The following PLXNA4 variants were observed in gnomAD, a reference collection of about 807,000 sequenced individuals.
The protein encoded by PLXNA4 is plexin-A4.
Under a neutral mutation model 191.8 loss-of-function variants are expected in PLXNA4, and 44 were observed. That is an observed-to-expected ratio of 0.23 (90% CI 0.18 to 0.29). The LOEUF (loss-of-function observed/expected upper bound fraction) is 0.29. Among genes scored for constraint, PLXNA4 ranks in the 10% least tolerant of loss-of-function variants. The pLI, the probability that PLXNA4 is intolerant of heterozygous loss-of-function variation, is 1.00. For synonymous variants in PLXNA4, 1,082 were observed against 1,009.5 expected (o/e 1.07, Z -1.36); for missense variants, 1,800 against 2,488.8 (o/e 0.72, Z 5.89).
At chr7:132,375,984 G>A (rs1585052334) in intron 3 of PLXNA4, among the ~76,000 whole-genome samples, 4 of 152,188 alleles carry the variant, frequency 2.6e-5, no homozygotes, top group Admixed American at 2.6e-4. Flanking sequence ...AGACAGTAGA[G>A]TTTGAGTCCC....
chr7:132,270,505 T>C (rs944812656), intron 4 of PLXNA4, among the ~76,000 whole-genome samples: 1 of 152,250 alleles, frequency 6.6e-6, no homozygotes, highest in Non-Finnish European at 1.5e-5. Flanking sequence ...AAAATTTAGA[T>C]AGACTTGACA....
At chr7:132,374,310 G>A (rs1294044857) in intron 3 of PLXNA4, among the ~76,000 whole-genome samples, 1 of 152,170 alleles carries the variant, frequency 6.6e-6, no homozygotes, top group Non-Finnish European at 1.5e-5. Context: ...AGCCGCTGAT[G>A]TTGATAAATT....
At chr7:132,355,988 C>T (rs1198642992) in intron 3 of PLXNA4, among the ~76,000 whole-genome samples, 1 of 151,902 alleles carries the variant, frequency 6.6e-6, no homozygotes, top group African/African-American at 2.4e-5. Flanking sequence ...AGGGGAAGAG[C>T]GAGGAGGGGG....
chr7:132,449,411 C>G (rs1585151052), intron 3 of PLXNA4, among the ~76,000 whole-genome samples: 1 of 152,208 alleles, frequency 6.6e-6, no homozygotes, highest in Non-Finnish European at 1.5e-5. Flanking sequence ...TGTCCACATT[C>G]AGAAGTGGAC....
chr7:132,311,274 A>G (rs1218030218), intron 3 of PLXNA4, among the ~76,000 whole-genome samples: 1 of 151,756 alleles, frequency 6.6e-6, no homozygotes, highest in Non-Finnish European at 1.5e-5. Context: ...TGGAAAACTG[A>G]GAATCTCAGA....
intron 3 of PLXNA4, among the ~76,000 whole-genome samples, chr7:132,405,947 A>AG (rs1296215896): frequency 6.6e-6 from 1 of 152,236 alleles, no homozygotes. Context: ...GGTTGGCCAC[A>AG]GCCCACTACA....
intron 24 of PLXNA4, among the ~76,000 whole-genome samples, chr7:132,163,424 C>T (rs754192134): frequency 2.0e-5 from 3 of 152,214 alleles, no homozygotes; most frequent in Non-Finnish European, 2.9e-5. Context: ...TTGGTGTTCT[C>T]ATTTTTTCAG....
chr7:132,589,243 T>C (rs1184412785), intron 2 of PLXNA4, among the ~76,000 whole-genome samples: 1 of 152,160 alleles, frequency 6.6e-6, no homozygotes, highest in African/African-American at 2.4e-5. Flanking sequence ...TGCCAAGATA[T>C]AAGTATTCTC....
intron 3 of PLXNA4, among the ~76,000 whole-genome samples, chr7:132,426,763 GA>G (rs920116806): frequency 6.6e-6 from 1 of 150,692 alleles, no homozygotes; most frequent in African/African-American, 2.4e-5. Flanking sequence ...GAGGGCAAAA[GA>G]AAAAAAAATC....
intron 21 of PLXNA4, among the ~76,000 whole-genome samples, chr7:132,174,224 A>G (rs1796383598): frequency 6.6e-6 from 1 of 152,214 alleles, no homozygotes; most frequent in African/African-American, 2.4e-5. Context: ...ATAGACACCT[A>G]AGCCAGATAC....
intron 1 of PLXNA4, among the ~76,000 whole-genome samples, chr7:132,556,413 G>C (rs1800804765): frequency 1.3e-5 from 2 of 152,226 alleles, no homozygotes; most frequent in African/African-American, 4.8e-5. Flanking sequence ...TATGTGCCTG[G>C]TTACTAACAA....
At position 132,508,247 on chromosome 7, in the gene PLXNA4, C is replaced by A. The variant is rs747588669; in HGVS notation, c.447G>T (p.Leu149=). Reference sequence around the variant, plus strand: ...GCTCCTTCTTATGATAAGGCTCCCCCAGCTTGAAGAGGTCCTCCAGCCTCA... The same window carrying A: ...GCTCCTTCTTATGATAAGGCTCCCCAAGCTTGAAGAGGTCCTCCAGCCTCA... The part of the protein sequence containing the change: ...KLLRLEDLFK[L]GEPYHKKEHY... The change falls in exon 2 of 32, where the codon CTG becomes CTT. Residue 149 remains leucine (L), a synonymous_variant. Transcript: ENST00000321063. This position sits in a 1 kb window ranked among gnomAD's most constrained non-coding sequence, Gnocchi z 4.4. The A allele has an allele frequency of 4.3e-6, 7 of 1,614,250 alleles. No individual in the cohort carries two copies. Among genetic ancestry groups the A allele is most frequent in the Non-Finnish European group, 5.9e-6 (7 of 1,180,052 alleles).
At chr7:132,467,030 C>T (rs571398513) in intron 3 of PLXNA4, among the ~76,000 whole-genome samples, 8 of 152,242 alleles carry the variant, frequency 5.3e-5, no homozygotes, top group Non-Finnish European at 1.0e-4. Context: ...CTAAGCAGCC[C>T]GGTCAGGTAA....
intron 3 of PLXNA4, among the ~76,000 whole-genome samples, chr7:132,345,846 C>T (rs1370369951): frequency 6.6e-6 from 1 of 152,168 alleles, no homozygotes; most frequent in Non-Finnish European, 1.5e-5. Flanking sequence ...CAGCATGGCA[C>T]ATTACCCACC....
chr7:132,182,075 A>T, intron 17 of PLXNA4, 22 bp downstream of exon 17: 1 of 1,613,846 alleles, frequency 6.2e-7, no homozygotes, highest in South Asian at 1.1e-5. Flanking sequence ...GCCTCCATGA[A>T]CCCCATCAGC....
intron 2 of PLXNA4, among the ~76,000 whole-genome samples, chr7:132,639,882 C>G (rs1803680401): frequency 1.3e-5 from 2 of 152,188 alleles, no homozygotes; most frequent in Non-Finnish European, 2.9e-5. Flanking sequence ...AAGGGCACCA[C>G]AGAGGAGACT....
At chr7:132,158,490 G>T (rs1034813233) in intron 25 of PLXNA4, among the ~76,000 whole-genome samples, 1 of 152,206 alleles carries the variant, frequency 6.6e-6, no homozygotes, top group East Asian at 1.9e-4. Context: ...GGCACAGACA[G>T]TATCCTTGTA....
Position 132,503,409 on chromosome 7 carries a change from T to C in PLXNA4, c.1188+4097A>G, listed in dbSNP as rs79022278. Among the ~76,000 whole-genome samples the C allele has an allele frequency of 2.8e-3, 434 of 152,314 alleles. 3 individuals carry two copies. The highest frequency in any genetic ancestry group is 0.01 in the African/African-American group (417 of 41,572). ...GTGAAGAAAGGAGAGAAGGTATAGA[T>C]AACCCTATGCCTGGGGAATTCTGGG... is the stretch of plus-strand genomic sequence containing the variant. On this transcript the variant is annotated intron_variant, in intron 2 of 31. Transcript: ENST00000321063.
At chr7:132,459,699 T>G (rs1445501635) in intron 3 of PLXNA4, among the ~76,000 whole-genome samples, 1 of 152,132 alleles carries the variant, frequency 6.6e-6, no homozygotes, top group Non-Finnish European at 1.5e-5. Flanking sequence ...AAGAGAAATC[T>G]GTTGGTGGTG....
Sources: allele counts gnomAD v4.1 joint callset (sites outside exome capture counted in the v4.1 genomes callset), GRCh38; gene constraint gnomAD v4.1.1; non-coding constraint Gnocchi (gnomAD v3.1); transcripts MANE v1.5; gene names NCBI Gene and HGNC (gene_info 2026-07-23, HGNC 2026-07-21).